The following RIT2 variants were observed in gnomAD, a reference collection of about 807,000 sequenced individuals.
The protein encoded by RIT2 is GTP-binding protein Rit2.
Under a neutral mutation model 23.7 loss-of-function variants are expected in RIT2, and 24 were observed. The ratio of observed to expected loss-of-function variants is 1.01; its 90% CI spans 0.73 to 1.43. The LOEUF is 1.43. RIT2 is among the 40% of genes most tolerant of loss of function. The pLI is 0.00. For synonymous variants in RIT2, 107 were observed against 91.1 expected (o/e 1.17, Z -0.99); for missense variants, 236 against 266.9 (o/e 0.88, Z 0.81).
chr18:42,819,896 G>C (rs1238301626), intron 4 of RIT2, among the ~76,000 whole-genome samples: 1 of 152,110 alleles, frequency 6.6e-6, no homozygotes, highest in African/African-American at 2.4e-5. Context: ...AGGATCCCCT[G>C]TGGATACCAA....
intron 3 of RIT2, among the ~76,000 whole-genome samples, chr18:42,950,395 A>C (rs1909821973): frequency 6.6e-6 from 1 of 152,236 alleles, no homozygotes; most frequent in African/African-American, 2.4e-5. Flanking sequence ...AATTAGCTCA[A>C]GATGGATGAA....
intron 4 of RIT2, among the ~76,000 whole-genome samples, chr18:42,910,803 T>A (rs183572290): frequency 6.6e-6 from 1 of 152,086 alleles, no homozygotes; most frequent in East Asian, 1.9e-4. Flanking sequence ...CAACGGAACT[T>A]CAAAATACAT....
chr18:43,026,064 A>G (rs542333848), intron 2 of RIT2, among the ~76,000 whole-genome samples: 1 of 152,254 alleles, frequency 6.6e-6, no homozygotes, highest in Admixed American at 6.5e-5. Flanking sequence ...ATCTAAAATA[A>G]TAATGTAGGC....
chr18:42,949,271 A>T (rs906238728), intron 3 of RIT2, among the ~76,000 whole-genome samples: 1 of 152,082 alleles, frequency 6.6e-6, no homozygotes, highest in Non-Finnish European at 1.5e-5. Context: ...TGAATAAAGG[A>T]GTCAGTCTAA....
intron 4 of RIT2, among the ~76,000 whole-genome samples, chr18:42,819,548 T>C (rs1906091460): frequency 6.6e-6 from 1 of 152,082 alleles, no homozygotes; most frequent in African/African-American, 2.4e-5. Flanking sequence ...GTTTTTATAT[T>C]TAAATAAAGT....
intron 1 of RIT2, among the ~76,000 whole-genome samples, chr18:43,055,811 T>C (rs1200544375): frequency 6.6e-6 from 1 of 151,998 alleles, no homozygotes; most frequent in Non-Finnish European, 1.5e-5. Context: ...CCAAGGAACA[T>C]AAAACTTCAG....
intron 4 of RIT2, among the ~76,000 whole-genome samples, chr18:42,862,117 C>T (rs1195869643): frequency 6.6e-6 from 1 of 152,100 alleles, no homozygotes; most frequent in African/African-American, 2.4e-5. Context: ...ACCCAAAATT[C>T]ATCTCAAATT....
intron 4 of RIT2, among the ~76,000 whole-genome samples, chr18:42,861,804 T>C (rs1018002555): frequency 1.3e-5 from 2 of 152,148 alleles, no homozygotes; most frequent in African/African-American, 4.8e-5. Context: ...CACCTCCTCT[T>C]CTCCCTTTCA....
At chr18:42,970,485 G>A (rs1372854270) in intron 3 of RIT2, among the ~76,000 whole-genome samples, 1 of 152,006 alleles carries the variant, frequency 6.6e-6, no homozygotes, top group East Asian at 1.9e-4. Context: ...ATAAGATGAA[G>A]TGCAGGACAT....
intron 4 of RIT2, among the ~76,000 whole-genome samples, chr18:42,776,528 AAATTT>A (rs1913676514): frequency 6.6e-6 from 1 of 152,216 alleles, no homozygotes; most frequent in African/African-American, 2.4e-5. Context: ...CATGCTTCTT[AAATTT>A]ATCAATATCA....
At chr18:42,979,775 T>A (rs1205453572) in intron 2 of RIT2, among the ~76,000 whole-genome samples, 3 of 152,186 alleles carry the variant, frequency 2.0e-5, no homozygotes, top group Non-Finnish European at 4.4e-5. Flanking sequence ...CACACTCAGA[T>A]GGCAATACAG....
At chr18:42,744,103 C>A (rs1292208566) in intron 4 of RIT2, among the ~76,000 whole-genome samples, 2 of 151,970 alleles carry the variant, frequency 1.3e-5, no homozygotes, top group African/African-American at 4.8e-5. Flanking sequence ...ACCTTGTGAC[C>A]CCCACTCCTG....
At chr18:42,756,571 T>C (rs1165844862) in intron 4 of RIT2, among the ~76,000 whole-genome samples, 2 of 152,200 alleles carry the variant, frequency 1.3e-5, no homozygotes, top group Non-Finnish European at 2.9e-5. Flanking sequence ...CCTAAAGATT[T>C]TGCTTTTTAA....
At chr18:42,954,996 T>G (rs1463212679) in intron 3 of RIT2, among the ~76,000 whole-genome samples, 2 of 152,142 alleles carry the variant, frequency 1.3e-5, no homozygotes, top group African/African-American at 4.8e-5. Flanking sequence ...ACAAGCTATG[T>G]GAAGCTTTGG....
At chr18:42,811,926 A>C (rs1160290741) in intron 4 of RIT2, among the ~76,000 whole-genome samples, 1 of 152,158 alleles carries the variant, frequency 6.6e-6, no homozygotes, top group African/African-American at 2.4e-5. Flanking sequence ...AGTAAATATG[A>C]GCTACTTATG....
intron 1 of RIT2, among the ~76,000 whole-genome samples, chr18:43,057,990 C>A (rs915685256): frequency 6.6e-6 from 1 of 151,922 alleles, no homozygotes. Context: ...ACAAACAAAG[C>A]AAACTAGAAA....
At chr18:42,756,693 A>G (rs1305490557) in intron 4 of RIT2, among the ~76,000 whole-genome samples, 2 of 152,172 alleles carry the variant, frequency 1.3e-5, no homozygotes, top group Non-Finnish European at 2.9e-5. Flanking sequence ...GCCTAAGGAT[A>G]TCTTCACATA....
chr18:42,965,728 T>TTTTTTTTTTTTTTTTTTTTTTTTTG (rs1910205508), intron 3 of RIT2, among the ~76,000 whole-genome samples: 1 of 108,214 alleles, frequency 9.2e-6, no homozygotes, highest in Non-Finnish European at 1.9e-5. Flanking sequence ...TTTTTTTTTT[T>TTTTTTTTTTTTTTTTTTTTTTTTTG]TTTTTTTTTT....
chr18:42,990,931 T>TTA (rs1910830498), intron 2 of RIT2, among the ~76,000 whole-genome samples: 1 of 150,710 alleles, frequency 6.6e-6, no homozygotes, highest in Non-Finnish European at 1.5e-5. Context: ...TTTTTTTTTT[T>TTA]AAAGACTAAC....
Sources: gnomAD v4.1 joint callset for allele counts (sites outside exome capture counted in the v4.1 genomes callset) on GRCh38, gnomAD v4.1.1 for gene constraint, MANE v1.5 for transcripts, NCBI Gene and HGNC (gene_info 2026-07-23, HGNC 2026-07-21) for gene names.